Variants in ZNF451 observed in about 807,000 individuals in gnomAD.
The protein encoded by ZNF451 is E3 SUMO-protein ligase ZNF451.
A neutral mutation model predicts 107.1 loss-of-function variants in ZNF451; 80 were observed. The observed-to-expected ratio is 0.75, with a 90% CI of 0.62 to 0.90. ZNF451 has a LOEUF of 0.90. Among genes scored for constraint, ZNF451 ranks in the 40% least tolerant of loss-of-function variants. The probability of loss-of-function intolerance (pLI) is 0.00; values close to 1 mark genes in which losing one functional copy is unlikely to be tolerated. For synonymous variants in ZNF451, 362 were observed against 406.5 expected (o/e 0.89, Z 1.32); for missense variants, 1,107 against 1,236.2 (o/e 0.90, Z 1.57).
intron 4 of ZNF451, chr6:57,126,536 TTG>T (rs1830937962): frequency 1.3e-5 from 2 of 152,224 alleles, no homozygotes; most frequent in South Asian, 2.1e-4. Flanking sequence ...TTGTAGGCCT[TTG>T]TGAATTGTTG....
At chr6:57,109,273 TATTAC>T (rs959335453) in intron 3 of ZNF451, 70 of 985,264 alleles carry the variant, frequency 7.1e-5, no homozygotes, top group Non-Finnish European at 8.3e-5. Flanking sequence ...CAATGTTGTT[TATTAC>T]ATTCATTTTG....
rs201373364 is a variant in ZNF451, at chr6:57,133,103, G to A, written c.486G>A (p.Thr162=). Reference sequence around the variant, plus strand: ...GTTCATTCCGAAGAGGAGGCCACACGTGGGTGTCTGGGAAACCAATTTTAT... The same window carrying A: ...GTTCATTCCGAAGAGGAGGCCACACATGGGTGTCTGGGAAACCAATTTTAT... The part of the protein sequence containing the change: ...TKSSFRRGGH[T]WVSGKPILCP... Residue 162 remains threonine (T), a synonymous_variant, in exon 6 of 15, where the codon ACG becomes ACA. Transcript: ENST00000370706. 393 of 1,614,152 alleles carry A rather than the reference G, an allele frequency of 2.4e-4. 1 individual carries two copies. The highest frequency in any genetic ancestry group is 4.7e-4 in the South Asian group (43 of 91,090).
At position 57,158,865 on chromosome 6, in the gene ZNF451, G is replaced by A. The variant is rs180880586; in HGVS notation, c.3071-2219G>A. ...ATTGTGGATGAGTGGGTTAGAAGCA[G>A]TAAGTAGGGTTGGCATCTATGAGTC... On this transcript the variant is annotated intron_variant, in intron 13 of 14. Coordinates refer to ENST00000370706, the MANE Select transcript of ZNF451 (RefSeq NM_001031623.3). 9 of 985,440 alleles carry A rather than the reference G, an allele frequency of 9.1e-6. No homozygotes were observed. The African/African-American group carries it at 1.4e-4, about 15-fold the overall frequency. The allele number at this position is 985,440 out of a possible 1,614,324, so 61.0% of individuals were successfully genotyped here.
In ZNF451 at chr6:57,147,974, G is replaced by C. The variant is rs1212928635; in HGVS notation, c.1889G>C (p.Ser630Thr). 2 of 1,614,002 alleles carry C rather than the reference G, an allele frequency of 1.2e-6. No homozygotes were observed. Among genetic ancestry groups the C allele is most frequent in the Admixed American group, 3.3e-5 (2 of 59,998 alleles). ...AAACAGCACTGCATGTCTTTGGCAA[G>C]CCACAAGTTTCATAGATACAGCTGT... The part of the protein sequence containing the change: ...YVKQHCMSLA[S>T]HKFHRYSCAH... The change falls in exon 10 of 15, where the codon AGC (serine) becomes ACC (threonine). Residue 630 changes from serine to threonine, a missense_variant. Ser to Thr is a moderately conservative substitution (Grantham distance 58). Coordinates refer to ENST00000370706, the MANE Select transcript of ZNF451 (RefSeq NM_001031623.3).
chr6:57,138,892 A>C (rs1324601326), intron 7 of ZNF451, among the ~76,000 whole-genome samples: 1 of 149,550 alleles, frequency 6.7e-6, no homozygotes, highest in Non-Finnish European at 1.5e-5. Flanking sequence ...GGTGTGAGCC[A>C]CTGCTCCTGG....
At chr6:57,104,663 T>A (rs1829763344) in intron 3 of ZNF451, 5 of 985,238 alleles carry the variant, frequency 5.1e-6, no homozygotes, top group Non-Finnish European at 6.0e-6. Flanking sequence ...TTTAAGCGTA[T>A]GGTAGTGTTG....
rs758915643 is a variant in ZNF451, at chr6:57,148,655, A to G, written c.2570A>G (p.Glu857Gly). ...AACTATTCAAAAAGTTTAGACATGG[A>G]GAAAGGAGTTGAGAATGACCTAAGC... ...AINYSKSLDM[E>G]KGVENDLSYQ... The change falls in exon 10 of 15, where the codon GAG becomes GGG. Residue 857 changes from glutamate to glycine, a missense_variant. Coordinates refer to ENST00000370706, the MANE Select transcript of ZNF451 (RefSeq NM_001031623.3). The G allele has an allele frequency of 6.2e-7, 1 of 1,613,294 alleles. No homozygotes were observed. The highest frequency in any genetic ancestry group is 1.1e-5 in the South Asian group (1 of 90,974).
intron 3 of ZNF451, among the ~76,000 whole-genome samples, chr6:57,117,770 A>C (rs1400290728): frequency 6.6e-6 from 1 of 152,228 alleles, no homozygotes; most frequent in East Asian, 1.9e-4. Context: ...AGTAAACATT[A>C]AGAAGAATAA....
At chr6:57,106,941 T>TA in intron 3 of ZNF451, 1 of 928,708 alleles carries the variant, frequency 1.1e-6, no homozygotes, top group Non-Finnish European at 1.3e-6. Context: ...ACCATTAAAA[T>TA]ATTATTTTAT....
intron 13 of ZNF451, chr6:57,154,670 T>A (rs1301670614): frequency 1.3e-5 from 2 of 152,430 alleles, no homozygotes; most frequent in African/African-American, 4.8e-5. Flanking sequence ...TCGTTTTTCA[T>A]AATTTCTGCA....
chr6:57,160,287 C>T (rs1562630300), intron 13 of ZNF451, among the ~76,000 whole-genome samples: 2 of 150,260 alleles, frequency 1.3e-5, no homozygotes, highest in Non-Finnish European at 2.9e-5. Context: ...TTTGTTTTCT[C>T]CCCTCCCCTC....
In ZNF451 at chr6:57,095,810, T is replaced by TG. The variant is rs751799952; in HGVS notation, c.106-3251_106-3250insG. On this transcript the variant is annotated intron_variant, in intron 2 of 14. Transcript: ENST00000370706. Reference sequence around the variant, plus strand: ...CCCTTTAAATATTACTGCAGCTTTTTTTTTTTGTTGTTGTTGTTGTTGTTG... The same window carrying TG: ...CCCTTTAAATATTACTGCAGCTTTTTGTTTTTTGTTGTTGTTGTTGTTGTTG... 2.8e-3 allele frequency among the ~76,000 whole-genome samples: 427 copies of TG among 149,870 alleles called. 2 individuals are homozygous for TG. The highest frequency in any genetic ancestry group is 9.2e-3 in the African/African-American group (375 of 40,714).
At chr6:57,105,085 C>G in intron 3 of ZNF451, 2 of 985,308 alleles carry the variant, frequency 2.0e-6, no homozygotes, top group Non-Finnish European at 2.4e-6. Flanking sequence ...GGAGATTACC[C>G]CAATAGAATC....
intron 3 of ZNF451, chr6:57,109,342 A>G: frequency 1.0e-6 from 1 of 985,086 alleles, no homozygotes; most frequent in Non-Finnish European, 1.2e-6. Flanking sequence ...ATATTGGTTT[A>G]ATGGAAGGAA....
intron 3 of ZNF451, chr6:57,108,672 C>T (rs1440719717): frequency 3.0e-6 from 3 of 985,292 alleles, no homozygotes; most frequent in African/African-American, 1.7e-5. Context: ...TGGCTTGGAA[C>T]AGCTTCTATA....
chr6:57,166,985 T>G (rs1004311625), intron 14 of ZNF451, among the ~76,000 whole-genome samples: 2 of 152,234 alleles, frequency 1.3e-5, no homozygotes, highest in African/African-American at 4.8e-5. Flanking sequence ...GTTTAATCCC[T>G]ATAAGCTCAC....
intron 13 of ZNF451, among the ~76,000 whole-genome samples, chr6:57,160,526 G>C (rs980210249): frequency 1.3e-5 from 2 of 152,036 alleles, no homozygotes; most frequent in African/African-American, 4.8e-5. Flanking sequence ...GTAGAGACAG[G>C]GTTTTGCTGT....
intron 3 of ZNF451, chr6:57,104,580 C>G: frequency 1.0e-6 from 1 of 985,188 alleles, no homozygotes; most frequent in Non-Finnish European, 1.2e-6. Flanking sequence ...GCTTCCCCTT[C>G]CCTTTGCCTT....
At chr6:57,091,534 A>G (rs1215093674) in intron 2 of ZNF451, 1 of 152,308 alleles carries the variant, frequency 6.6e-6, no homozygotes, top group East Asian at 1.9e-4. Flanking sequence ...AGGAATCTTC[A>G]TTTTCAGACA....
Sources: allele counts gnomAD v4.1 joint callset (sites outside exome capture counted in the v4.1 genomes callset), GRCh38; gene constraint gnomAD v4.1.1; transcripts MANE v1.5; gene names NCBI Gene and HGNC (gene_info 2026-07-23, HGNC 2026-07-21).